KRT83: variants seen among roughly 807,000 people sequenced by gnomAD.
The protein encoded by KRT83 is keratin 83.
In KRT83, 51 loss-of-function variants were observed where a neutral mutation model predicts 52.9. The observed-to-expected ratio is 0.96, with a 90% CI of 0.77 to 1.22. KRT83 has a LOEUF of 1.22. Among genes scored for constraint, KRT83 ranks in the 50% most tolerant of loss-of-function variants. KRT83 has a pLI of 0.00. For synonymous variants in KRT83, 278 were observed against 274.1 expected, an observed-to-expected ratio of 1.01 and a Z score of -0.14; for missense variants, 654 against 666.5, an observed-to-expected ratio of 0.98 and a Z score of 0.21.
intron 1 of KRT83, 57 bp from the exon 2 acceptor site, chr12:52,319,421 G>A: frequency 1.9e-6 from 3 of 1,609,920 alleles, no homozygotes; most frequent in Non-Finnish European, 2.5e-6. Flanking sequence ...AGGACAAAGA[G>A]GGGTTCCCAG....
At position 52,320,598 on chromosome 12, in the gene KRT83, A is replaced by G. The variant is rs905890787; in HGVS notation, c.384+354T>C. Among the ~76,000 whole-genome samples the G allele has an allele frequency of 2.0e-5, 3 of 152,196 alleles. 1 individual carries two copies. Among genetic ancestry groups the G allele is most frequent in the African/African-American group, 7.2e-5 (3 of 41,444 alleles). On this transcript the variant is annotated intron_variant, in intron 1 of 8. Coordinates refer to ENST00000293670, the MANE Select transcript of KRT83 (RefSeq NM_002282.3). ...ACAGTTTTCCAGCACCACACTTATT[A>G]GCCCTGCCTTGATGGAGACAGCATC...
At chr12:52,317,605 T>C in intron 4 of KRT83, 76 bp downstream of exon 4, 2 of 1,493,590 alleles carry the variant, frequency 1.3e-6, no homozygotes, top group South Asian at 2.3e-5. Context: ...GCCTGGTTCA[T>C]GCCTGTGGGT....
chr12:52,314,831 G>C lies in KRT83; in HGVS notation c.1295-13C>G. 6.3e-7 allele frequency: 1 copy of C among 1,597,514 alleles called. No homozygotes were observed. Among genetic ancestry groups the C allele is most frequent in the Non-Finnish European group, 8.5e-7 (1 of 1,172,490 alleles). On this transcript the variant is annotated splice_polypyrimidine_tract_variant and intron_variant, in intron 8 of 8. Transcript: ENST00000293670. ...GAGCTGCTGACACCTGTGGGAACAA[G>C]GGCAGGGTCAAGAGACCCCTGCTGA...
chr12:52,316,628 T>G lies in KRT83; in HGVS notation c.916-35A>C, dbSNP rs764219879. 11 of 1,614,180 alleles carry G rather than the reference T, an allele frequency of 6.8e-6. No homozygotes were observed. The South Asian group carries it at 1.1e-4, about 16-fold the overall frequency. ...GCAGAGATGTTCATGAGGCTCAGGA[T>G]GAGACATCCCATTCATTCAGGACAG... On this transcript the variant is annotated intron_variant, in intron 5 of 8. Coordinates refer to ENST00000293670, the MANE Select transcript of KRT83 (RefSeq NM_002282.3).
chr12:52,316,273 C>T (rs867614580), intron 6 of KRT83, among the ~76,000 whole-genome samples, 160 bp from the exon 7 acceptor site: 2 of 151,970 alleles, frequency 1.3e-5, no homozygotes, highest in African/African-American at 4.8e-5. Flanking sequence ...CACACACACA[C>T]ACACACACAC....
At chr12:52,320,801 C>T in intron 1 of KRT83, 151 bp downstream of exon 1, 1 of 1,502,388 alleles carries the variant, frequency 6.7e-7, no homozygotes, top group Admixed American at 1.8e-5. Context: ...TTTTGTCTTT[C>T]TGTCTGTGTC....
rs1326081657 is a variant in KRT83 at position 52,316,849 on chromosome 12, T to C, written c.915+10A>G. 1 of 1,614,032 alleles carries C rather than the reference T, an allele frequency of 6.2e-7. No homozygotes were observed. The highest frequency in any genetic ancestry group is 8.5e-7 in the Non-Finnish European group (1 of 1,180,020). ...CCATGTCTAGCAGGCAGGTGTCCTG[T>C]GCCGCTCACCTTGCTGCGATACCAG... is the stretch of plus-strand genomic sequence containing the variant. On this transcript the variant is annotated intron_variant, in intron 5 of 8. Coordinates refer to ENST00000293670, the MANE Select transcript of KRT83 (RefSeq NM_002282.3).
At position 52,320,918 on chromosome 12, in the gene KRT83, G is replaced by A. The variant is rs936031259; in HGVS notation, c.384+34C>T. 6.2e-6 allele frequency: 10 copies of A among 1,613,658 alleles called. No homozygotes were observed. In the African/African-American group the frequency reaches 1.3e-4, roughly 22 times the overall value. ...GCCTGAGTTCTGAACATGAGTAGGG[G>A]TTCAGGAAGGGTGTGATCCAGGACG... On this transcript the variant is annotated intron_variant, in intron 1 of 8. Transcript: ENST00000293670.
chr12:52,317,039 AAAGG>A lies in KRT83; in HGVS notation c.751-20_751-17del. 1 of 1,614,114 alleles carries A rather than the reference AAAGG, an allele frequency of 6.2e-7. No homozygotes were observed. Among genetic ancestry groups the A allele is most frequent in the East Asian group, 2.2e-5 (1 of 44,868 alleles). ...TGCGGATCTCCTGCAGGAGGTGGGGAAAGGAAGGACAACTCACTTATCTGGGCTT... is the reference window on the plus strand; with the variant it reads ...TGCGGATCTCCTGCAGGAGGTGGGGAAAGGACAACTCACTTATCTGGGCTT... On this transcript the variant is annotated splice_polypyrimidine_tract_variant and intron_variant, in intron 4 of 8. Coordinates refer to ENST00000293670, the MANE Select transcript of KRT83 (RefSeq NM_002282.3).
In KRT83 at chr12:52,316,570, C is replaced by T. The variant is rs748042840; in HGVS notation, c.939G>A (p.Val313=). ...RSKCEEMKAT[V]IRHGETLRRT... is the part of the protein sequence containing the mutation. ...GGCGCAGGGTCTCCCCGTGCCTGATCACTGTGGCCTTCATCTCCTCACACT... is the reference window on the plus strand; with the variant it reads ...GGCGCAGGGTCTCCCCGTGCCTGATTACTGTGGCCTTCATCTCCTCACACT... The change falls in exon 6 of 9, where the codon GTG becomes GTA. Residue 313 remains valine (V), a synonymous_variant. Transcript: ENST00000293670. 1 of 1,614,182 alleles carries T rather than the reference C, an allele frequency of 6.2e-7. No homozygotes were observed. The highest frequency in any genetic ancestry group is 8.5e-7 in the Non-Finnish European group (1 of 1,180,038).
Position 52,314,630 on chromosome 12 carries a change from C to A in KRT83, c.*1G>T. The A allele has an allele frequency of 6.4e-7, 1 of 1,561,638 alleles. No individual in the cohort carries two copies. Among genetic ancestry groups the A allele is most frequent in the Non-Finnish European group, 8.7e-7 (1 of 1,152,948 alleles). On this transcript the variant is annotated 3_prime_UTR_variant, in exon 9 of 9. Coordinates refer to ENST00000293670, the MANE Select transcript of KRT83 (RefSeq NM_002282.3). The stretch of plus-strand genomic sequence containing the variant: ...GCTCCCCTGGCTCTCTTTTGGGCCA[C>A]TTAATGCCTCCCCTGGCCGCAGGAG...
chr12:52,316,215 A>G (rs975547037), intron 6 of KRT83, 102 bp from the exon 7 acceptor site: 2 of 1,480,704 alleles, frequency 1.4e-6, no homozygotes, highest in African/African-American at 2.8e-5. Context: ...TTAAAATATT[A>G]TCTCTCCAAT....
Position 52,314,352 on chromosome 12 carries a change from G to A in KRT83, c.*279C>T, listed in dbSNP as rs755878013. ...GGGAGACAAGAGGCCAGAGAGGCAGGGGGAACAGTCTCACAGTGCTTCTTC... is the reference window on the plus strand; with the variant it reads ...GGGAGACAAGAGGCCAGAGAGGCAGAGGGAACAGTCTCACAGTGCTTCTTC... On this transcript the variant is annotated 3_prime_UTR_variant, in exon 9 of 9. Transcript: ENST00000293670. 9.3e-6 allele frequency: 5 copies of A among 536,426 alleles called. No homozygotes were observed. Among genetic ancestry groups the A allele is most frequent in the Non-Finnish European group, 1.7e-5 (5 of 295,404 alleles). The allele number at this position is 536,426 out of a possible 1,614,324, so 33.2% of individuals were successfully genotyped here.
chr12:52,317,149 A>G, intron 4 of KRT83, 126 bp from the exon 5 acceptor site: 2 of 1,228,160 alleles, frequency 1.6e-6, no homozygotes, highest in South Asian at 1.3e-5. Flanking sequence ...ACCTGATGAA[A>G]TCACATAACT....
At position 52,321,165 on chromosome 12, in the gene KRT83, C is replaced by G. The variant is rs1367289192; in HGVS notation, c.171G>C (p.Gly57=). ...GTCCGCAGGAGCCGGCGCGGAAGCCCCCGCACACGCTGTGGCTGCCAAAGC... is the reference window on the plus strand; with the variant it reads ...GTCCGCAGGAGCCGGCGCGGAAGCCGCCGCACACGCTGTGGCTGCCAAAGC... ...TGGFGSHSVC[G]GFRAGSCGRS... is the part of the protein sequence containing the mutation. Residue 57 remains glycine, a synonymous_variant, in exon 1 of 9, where the codon GGG becomes GGC. Transcript: ENST00000293670. The G allele has an allele frequency of 3.1e-6, 5 of 1,612,538 alleles. No individual in the cohort carries two copies. The South Asian group carries it at 3.3e-5, about 11-fold the overall frequency.
chr12:52,314,642 C>A lies in KRT83; in HGVS notation c.1471G>T (p.Gly491Trp). 6.4e-7 allele frequency: 1 copy of A among 1,568,230 alleles called. No individual in the cohort carries two copies. Among genetic ancestry groups the A allele is most frequent in the Non-Finnish European group, 8.6e-7 (1 of 1,156,602 alleles). The change falls in exon 9 of 9, where the codon GGG becomes TGG. Residue 491 changes from glycine to tryptophan, a missense_variant. Physicochemically the swap from Gly to Trp is radical, Grantham distance 184. Coordinates refer to ENST00000293670, the MANE Select transcript of KRT83 (RefSeq NM_002282.3). ...CTCTTTTGGGCCACTTAATGCCTCC[C>A]CTGGCCGCAGGAGCCCCCTCCACAG... ...TTCGGGSCGQ[G>W]RH
At position 52,314,656 on chromosome 12, in the gene KRT83, C is replaced by G. The variant is rs752938418; in HGVS notation, c.1457G>C (p.Gly486Ala). 5.6e-5 allele frequency: 88 copies of G among 1,574,298 alleles called. 1 individual carries two copies. Among genetic ancestry groups the G allele is most frequent in the Non-Finnish European group, 4.4e-5 (51 of 1,160,028 alleles). Residue 486 changes from glycine to alanine, a missense_variant, in exon 9 of 9, where the codon GGC becomes GCC. Gly to Ala is a moderately conservative substitution (Grantham distance 60). Coordinates refer to ENST00000293670, the MANE Select transcript of KRT83 (RefSeq NM_002282.3). ...TTAATGCCTCCCCTGGCCGCAGGAG[C>G]CCCCTCCACAGGTGGTGTTCAGCTG... ...CGQLNTTCGG[G>A]SCGQGRH is the part of the protein sequence containing the mutation.
At chr12:52,315,847 G>A in intron 7 of KRT83, 46 bp downstream of exon 7, 1 of 1,611,038 alleles carries the variant, frequency 6.2e-7, no homozygotes, top group South Asian at 1.1e-5. Flanking sequence ...AATCAAAGGT[G>A]GGCAGGTCTA....
chr12:52,316,550 A>G lies in KRT83; in HGVS notation c.959T>C (p.Leu320Pro), dbSNP rs745523832. The G allele has an allele frequency of 7.4e-6, 12 of 1,614,128 alleles. No individual in the cohort carries two copies. In the South Asian group the frequency reaches 1.3e-4, roughly 18 times the overall value. Residue 320 changes from leucine to proline, a missense_variant, in exon 6 of 9, where the codon CTG becomes CCG. Leu to Pro is a moderately conservative substitution (Grantham distance 98). Transcript: ENST00000293670. ...GTTGATCTCCTCCTTGGTGCGGCGC[A>G]GGGTCTCCCCGTGCCTGATCACTGT... ...KATVIRHGET[L>P]RRTKEEINEL...
Sources: allele counts gnomAD v4.1 joint callset (sites outside exome capture counted in the v4.1 genomes callset), GRCh38; gene constraint gnomAD v4.1.1; transcripts MANE v1.5; gene names NCBI Gene and HGNC (gene_info 2026-07-23, HGNC 2026-07-21).